The following CALCR variants were observed in gnomAD, a reference collection of about 807,000 sequenced individuals.
CALCR encodes the protein calcitonin receptor.
A neutral mutation model predicts 59.5 loss-of-function variants in CALCR; 47 were observed. The observed-to-expected ratio is 0.79, with a 90% CI of 0.63 to 1.01. The LOEUF (loss-of-function observed/expected upper bound fraction) is 1.01, where lower values mean the gene tolerates loss of function less well. Among genes scored for constraint, CALCR ranks in the 50% least tolerant of loss-of-function variants. The pLI is 0.00. For missense variants in CALCR, 566 were observed against 597.1 expected, an observed-to-expected ratio of 0.95 and a Z score of 0.54; for synonymous variants, 213 against 211.3, an observed-to-expected ratio of 1.01 and a Z score of -0.07.
At chr7:93,518,457 A>G (rs1801691189) in intron 2 of CALCR, among the ~76,000 whole-genome samples, 1 of 151,970 alleles carries the variant, frequency 6.6e-6, no homozygotes, top group Non-Finnish European at 1.5e-5. Context: ...GTGCAAATTA[A>G]TGTCATGAGT....
chr7:93,523,719 T>C (rs1284593489), intron 2 of CALCR, among the ~76,000 whole-genome samples: 1 of 152,138 alleles, frequency 6.6e-6, no homozygotes, highest in Non-Finnish European at 1.5e-5. Flanking sequence ...CTTTTTTAAG[T>C]CCAGGATTTT....
At chr7:93,441,595 T>G (rs757445771) in intron 9 of CALCR, 1 of 451,620 alleles carries the variant, frequency 2.2e-6, no homozygotes, top group South Asian at 1.6e-5. Flanking sequence ...TTGAGTAAAT[T>G]TTGACCTGTT....
At chr7:93,472,311 C>A in intron 6 of CALCR, 64 bp downstream of exon 6, 2 of 915,740 alleles carry the variant, frequency 2.2e-6, no homozygotes, top group Admixed American at 2.1e-5. Flanking sequence ...TACAGTTATG[C>A]GTCCATTTCC....
chr7:93,550,895 C>T (rs2116227613), intron 2 of CALCR, among the ~76,000 whole-genome samples: 1 of 152,228 alleles, frequency 6.6e-6, no homozygotes, highest in Non-Finnish European at 1.5e-5. Context: ...TGCAAATTTT[C>T]ACTTCCAAGA....
At chr7:93,443,539 A>C in intron 9 of CALCR, 65 bp downstream of exon 9, 1 of 1,466,786 alleles carries the variant, frequency 6.8e-7, no homozygotes, top group East Asian at 2.3e-5. Context: ...CAAGACTAGA[A>C]GAAGACTGAA....
At chr7:93,539,207 A>G (rs1789067421) in intron 2 of CALCR, among the ~76,000 whole-genome samples, 1 of 152,168 alleles carries the variant, frequency 6.6e-6, no homozygotes, top group African/African-American at 2.4e-5. Context: ...CTTAAATCAA[A>G]GGCCCATCTC....
At chr7:93,502,395 C>T (rs1801336868) in intron 2 of CALCR, among the ~76,000 whole-genome samples, 1 of 152,064 alleles carries the variant, frequency 6.6e-6, no homozygotes, top group Non-Finnish European at 1.5e-5. Flanking sequence ...CACACTGATT[C>T]TAGAAACATA....
At chr7:93,488,582 GAAAAAAAAAA>G in intron 2 of CALCR, among the ~76,000 whole-genome samples, 2 of 78,034 alleles carry the variant, frequency 2.6e-5, no homozygotes, top group Non-Finnish European at 4.9e-5. Context: ...CAAATGGAAA[GAAAAAAAAAA>G]AAAAAAAAAG....
chr7:93,495,384 T>C (rs935213794), intron 2 of CALCR, among the ~76,000 whole-genome samples: 2 of 151,364 alleles, frequency 1.3e-5, no homozygotes, highest in African/African-American at 4.8e-5. Context: ...GCCTGGAACA[T>C]AGTAAATGCT....
At chr7:93,527,084 G>T (rs878953913) in intron 2 of CALCR, among the ~76,000 whole-genome samples, 2 of 151,544 alleles carry the variant, frequency 1.3e-5, no homozygotes, top group Non-Finnish European at 2.9e-5. Flanking sequence ...TCTTTATAAG[G>T]TATGTTTATA....
intron 2 of CALCR, among the ~76,000 whole-genome samples, chr7:93,527,917 G>A (rs1788712750): frequency 6.6e-6 from 1 of 152,120 alleles, no homozygotes; most frequent in South Asian, 2.1e-4. Context: ...TAATAACAGG[G>A]AAGAACACTT....
intron 2 of CALCR, among the ~76,000 whole-genome samples, chr7:93,526,105 G>A (rs1801871867): frequency 6.6e-6 from 1 of 152,098 alleles, no homozygotes; most frequent in African/African-American, 2.4e-5. Flanking sequence ...ATAAAGATTA[G>A]AAACCACTAT....
chr7:93,501,328 T>G (rs1012332234), intron 2 of CALCR, among the ~76,000 whole-genome samples: 1 of 152,096 alleles, frequency 6.6e-6, no homozygotes, highest in Non-Finnish European at 1.5e-5. Flanking sequence ...TGCATATGAC[T>G]CACCTTGCCA....
At chr7:93,455,702 A>G (rs910237956) in intron 8 of CALCR, among the ~76,000 whole-genome samples, 1 of 152,050 alleles carries the variant, frequency 6.6e-6, no homozygotes, top group African/African-American at 2.4e-5. Flanking sequence ...GTTCTTGTTT[A>G]TCCCCTTCAT....
intron 2 of CALCR, among the ~76,000 whole-genome samples, chr7:93,552,084 T>C (rs1454666640): frequency 6.6e-6 from 1 of 152,098 alleles, no homozygotes; most frequent in East Asian, 1.9e-4. Flanking sequence ...GGTGAAGTGA[T>C]AGGAATAGTT....
chr7:93,524,890 GC>G (rs775623235), intron 2 of CALCR, among the ~76,000 whole-genome samples: 4 of 152,146 alleles, frequency 2.6e-5, no homozygotes, highest in Admixed American at 6.5e-5. Context: ...AGTTTTTAGG[GC>G]AAGTCACATA....
At chr7:93,454,631 C>T (rs905714224) in intron 8 of CALCR, among the ~76,000 whole-genome samples, 1 of 150,620 alleles carries the variant, frequency 6.6e-6, no homozygotes, top group Non-Finnish European at 1.5e-5. Flanking sequence ...AAAAAAATAA[C>T]ATTTCAGATA....
rs532035408 is a variant in CALCR at position 93,510,871 on chromosome 7, A to AAAAC, written c.-26-23868_-26-23865dup. Among the ~76,000 whole-genome samples, 602 of 152,142 alleles carry AAAAC rather than the reference A, an allele frequency of 4.0e-3. 3 individuals are homozygous for AAAAC. The highest frequency in any genetic ancestry group is 0.012 in the African/African-American group (513 of 41,490). On this transcript the variant is annotated intron_variant, in intron 2 of 13. Transcript: ENST00000426151. Reference sequence around the variant, plus strand: ...AACAGAGCGAGACCTTGTCTCTACAAAAACAAACAAACAAACAAACAAAAA... The same window carrying AAAAC: ...AACAGAGCGAGACCTTGTCTCTACAAAAACAAACAAACAAACAAACAAACAAAAA...
At chr7:93,431,751 A>G (rs1169848321) in intron 13 of CALCR, among the ~76,000 whole-genome samples, 1 of 152,224 alleles carries the variant, frequency 6.6e-6, no homozygotes, top group Non-Finnish European at 1.5e-5. Context: ...TGTGACAGTT[A>G]AATGGAGATG....
Sources: allele counts gnomAD v4.1 joint callset (sites outside exome capture counted in the v4.1 genomes callset), GRCh38; gene constraint gnomAD v4.1.1; transcripts MANE v1.5; gene names NCBI Gene and HGNC (gene_info 2026-07-23, HGNC 2026-07-21).